Variants in KATNA1 observed in about 807,000 individuals in gnomAD.
KATNA1 encodes the protein katanin catalytic subunit A1.
KATNA1 carries 42 observed loss-of-function variants against 62.6 expected under a neutral mutation model. The observed-to-expected ratio is 0.67, with a 90% CI of 0.52 to 0.87. The LOEUF is 0.87. Ranked by LOEUF, KATNA1 falls within the 40% of genes least tolerant of loss-of-function variation. KATNA1 has a pLI of 0.00. For synonymous variants in KATNA1, 186 were observed against 201.9 expected, an observed-to-expected ratio of 0.92 and a Z score of 0.67; for missense variants, 498 against 612.5, an observed-to-expected ratio of 0.81 and a Z score of 1.97.
chr6:149,603,095 T>C (rs1474821532), intron 6 of KATNA1, among the ~76,000 whole-genome samples, 173 bp downstream of exon 6: 1 of 152,218 alleles, frequency 6.6e-6, no homozygotes, highest in Non-Finnish European at 1.5e-5. Flanking sequence ...CTAGGAATCA[T>C]GCAACAGCTT....
At chr6:149,612,096 T>C (rs1052535153) in intron 4 of KATNA1, among the ~76,000 whole-genome samples, 8 of 152,178 alleles carry the variant, frequency 5.3e-5, no homozygotes, top group African/African-American at 1.7e-4. Context: ...AATCACAAAC[T>C]ACCACAACTC....
At chr6:149,608,978 A>G (rs554817653) in intron 4 of KATNA1, among the ~76,000 whole-genome samples, 1 of 152,250 alleles carries the variant, frequency 6.6e-6, no homozygotes, top group African/African-American at 2.4e-5. Flanking sequence ...CTCATGATAT[A>G]ATATGAAAAT....
intron 4 of KATNA1, among the ~76,000 whole-genome samples, chr6:149,619,673 T>C (rs937463444): frequency 6.6e-6 from 1 of 151,930 alleles, no homozygotes. Flanking sequence ...AGAATTCATA[T>C]ACAAAGTTCT....
chr6:149,646,203 A>C (rs571039687), intron 1 of KATNA1, among the ~76,000 whole-genome samples: 8 of 152,314 alleles, frequency 5.3e-5, no homozygotes, highest in Non-Finnish European at 1.2e-4. Context: ...AAATCCTTGA[A>C]GTTTAATAGA....
intron 4 of KATNA1, among the ~76,000 whole-genome samples, chr6:149,606,682 G>A (rs1403510701): frequency 1.3e-5 from 2 of 149,806 alleles, no homozygotes; most frequent in Non-Finnish European, 3.0e-5. Context: ...GCAGTGGCAC[G>A]ATCTTGGCTC....
rs1321503418 is a variant in KATNA1 at position 149,604,848 on chromosome 6, A to T, written c.502-66T>A. 2.7e-6 allele frequency: 4 copies of T among 1,500,458 alleles called. No individual in the cohort carries two copies. The Admixed American group carries it at 5.6e-5, about 21-fold the overall frequency. 92.9% of individuals were successfully genotyped at this position (1,500,458 alleles called of 1,614,324 possible). A position where few individuals can be genotyped will look rare whatever the true frequency, so the allele number is the denominator to read the frequency against. ...TTTTGTTTCTGTGAGTCGGAAACAC[A>T]GATTGGACTCAAGTGACGTCCTTTA... On this transcript the variant is annotated intron_variant, in intron 4 of 10. Coordinates refer to ENST00000367411, the MANE Select transcript of KATNA1 (RefSeq NM_007044.4).
chr6:149,627,314 A>C (rs538326685), intron 3 of KATNA1, among the ~76,000 whole-genome samples: 54 of 151,878 alleles, frequency 3.6e-4, no homozygotes, highest in African/African-American at 9.7e-4. Flanking sequence ...GGATCACTTG[A>C]GGTCAGGAGT....
intron 3 of KATNA1, among the ~76,000 whole-genome samples, chr6:149,624,833 AACAG>A (rs1400630265): frequency 6.6e-6 from 1 of 151,266 alleles, no homozygotes; most frequent in Non-Finnish European, 1.5e-5. Flanking sequence ...AGTATAGTTA[AACAG>A]ACAGAAGCTA....
At chr6:149,601,521 T>G in intron 7 of KATNA1, 73 bp downstream of exon 7, 1 of 1,324,834 alleles carries the variant, frequency 7.5e-7, no homozygotes. Flanking sequence ...TTCCATATAC[T>G]GGAGATAGTT....
At chr6:149,599,925 CAAG>C (rs1447079065) in intron 7 of KATNA1, among the ~76,000 whole-genome samples, 2 of 152,012 alleles carry the variant, frequency 1.3e-5, no homozygotes, top group Non-Finnish European at 2.9e-5. Flanking sequence ...TGACCAAAAA[CAAG>C]GAGTTTCGGC....
chr6:149,626,574 G>A (rs1375252734), intron 3 of KATNA1, among the ~76,000 whole-genome samples: 3 of 151,066 alleles, frequency 2.0e-5, no homozygotes, highest in East Asian at 2.0e-4. Flanking sequence ...GAGCCACCGC[G>A]CCCGGCCAAC....
chr6:149,619,259 A>G (rs1779303444), intron 4 of KATNA1, among the ~76,000 whole-genome samples: 1 of 152,150 alleles, frequency 6.6e-6, no homozygotes, highest in African/African-American at 2.4e-5. Flanking sequence ...TCATCAGGGA[A>G]TTGCAAATCA....
intron 7 of KATNA1, among the ~76,000 whole-genome samples, chr6:149,600,538 T>C (rs1183437494): frequency 6.6e-6 from 1 of 151,644 alleles, no homozygotes; most frequent in Non-Finnish European, 1.5e-5. Flanking sequence ...GAGGCTAAGG[T>C]GGGAGGATCG....
intron 9 of KATNA1, 32 bp from the exon 10 acceptor site, chr6:149,597,221 C>A (rs1396653582): frequency 1.2e-6 from 2 of 1,606,756 alleles, no homozygotes; most frequent in African/African-American, 2.7e-5. Flanking sequence ...AAAATGTAAG[C>A]CTGCAGCATA....
At position 149,604,758 on chromosome 6, in the gene KATNA1, C is replaced by T. The variant is rs1778672331; in HGVS notation, c.526G>A (p.Glu176Lys). Residue 176 changes from glutamate to lysine, a missense_variant, in exon 5 of 11, where the codon GAA (glutamate) becomes AAA (lysine). Coordinates refer to ENST00000367411, the MANE Select transcript of KATNA1 (RefSeq NM_007044.4). ...EKNKSPAAVT[E>K]PETNKFDSTG... ...CTATCAAATTTATTTGTCTCTGGTT[C>T]TGTTACTGCAGCAGGTGATTTGTTC... 1 of 1,613,582 alleles carries T rather than the reference C, an allele frequency of 6.2e-7. No individual in the cohort carries two copies. The highest frequency in any genetic ancestry group is 2.2e-5 in the East Asian group (1 of 44,882).
At chr6:149,614,151 A>G (rs551016104) in intron 4 of KATNA1, among the ~76,000 whole-genome samples, 2 of 152,224 alleles carry the variant, frequency 1.3e-5, no homozygotes, top group African/African-American at 2.4e-5. Flanking sequence ...CTTAGTAGGC[A>G]ACTGTACACG....
chr6:149,638,487 T>C lies in KATNA1; in HGVS notation c.61A>G (p.Asn21Asp). 6.2e-7 allele frequency: 1 copy of C among 1,613,700 alleles called. No homozygotes were observed. Among genetic ancestry groups the C allele is most frequent in the Non-Finnish European group, 8.5e-7 (1 of 1,179,710 alleles). The change falls in exon 2 of 11, where the codon AAC becomes GAC. Residue 21 changes from asparagine to aspartate, a missense_variant. Transcript: ENST00000367411. ...TAATAGACCATCGCAGAGTCATAGT[T>C]TCCCAGCAATGCATATTCACGAGCC... ...KLAREYALLGNYDSAMVYYQG... is the reference protein window; with the variant it reads ...KLAREYALLGDYDSAMVYYQG...
intron 2 of KATNA1, among the ~76,000 whole-genome samples, chr6:149,634,713 G>T (rs1780000574): frequency 6.6e-6 from 1 of 152,060 alleles, no homozygotes; most frequent in African/African-American, 2.4e-5. Context: ...CTTTTAAAAT[G>T]CTGATTAATC....
At chr6:149,602,037 T>G (rs887987433) in intron 6 of KATNA1, among the ~76,000 whole-genome samples, 8 of 152,212 alleles carry the variant, frequency 5.3e-5, no homozygotes, top group Admixed American at 2.0e-4. Flanking sequence ...ATATCCTGAT[T>G]GTCCTTTTGC....
Sources: gnomAD v4.1 joint callset for allele counts (sites outside exome capture counted in the v4.1 genomes callset) on GRCh38, gnomAD v4.1.1 for gene constraint, MANE v1.5 for transcripts, NCBI Gene and HGNC (gene_info 2026-07-23, HGNC 2026-07-21) for gene names.